The following POLR1A variants were observed in gnomAD, a reference collection of about 807,000 sequenced individuals.
POLR1A encodes DNA-directed RNA polymerase I subunit RPA1.
In POLR1A, 84 loss-of-function variants were observed where a neutral mutation model predicts 205.3. That is an observed-to-expected ratio of 0.41 (90% CI 0.34 to 0.49). The LOEUF is 0.49. Ranked by LOEUF, POLR1A falls within the 20% of genes least tolerant of loss-of-function variation. The pLI is 0.22. For synonymous variants in POLR1A, 799 were observed against 863.7 expected, an observed-to-expected ratio of 0.93 and a Z score of 1.31; for missense variants, 1,645 against 2,204.5, an observed-to-expected ratio of 0.75 and a Z score of 5.08.
intron 2 of POLR1A, 87 bp from the exon 3 acceptor site, chr2:86,098,847 T>A: frequency 7.9e-7 from 1 of 1,269,446 alleles, no homozygotes; most frequent in Non-Finnish European, 1.1e-6. Context: ...AGTTTCTTTA[T>A]GTAGTCAGTC....
intron 3 of POLR1A, among the ~76,000 whole-genome samples, chr2:86,095,894 A>AT (rs1417264481): frequency 6.6e-6 from 1 of 151,872 alleles, no homozygotes; most frequent in African/African-American, 2.4e-5. Context: ...CCCCCAGCTA[A>AT]TTTTTTTGTA....
intron 16 of POLR1A, 29 bp from the exon 17 acceptor site, chr2:86,049,271 G>A: frequency 6.5e-7 from 1 of 1,541,836 alleles, no homozygotes; most frequent in Non-Finnish European, 9.0e-7. Context: ...AAGCTTGTAG[G>A]CGACCTCAGG....
intron 24 of POLR1A, among the ~76,000 whole-genome samples, chr2:86,041,073 A>T (rs927917823): frequency 1.3e-5 from 2 of 151,980 alleles, no homozygotes; most frequent in East Asian, 3.9e-4. Context: ...ATGCCGCACG[A>T]TTCTGTAATT....
chr2:86,025,254 A>G lies in POLR1A; in HGVS notation c.*2169T>C, dbSNP rs1355163213. On this transcript the variant is annotated 3_prime_UTR_variant, in exon 34 of 34. Transcript: ENST00000263857. ...TTAGTCCATGTTCTTGAATCCATCC[A>G]TCAGATTTGACTTGGGCCTACTTTC... 1 of 152,210 alleles carries G rather than the reference A, an allele frequency of 6.6e-6. No homozygotes were observed. The highest frequency in any genetic ancestry group is 1.5e-5 in the Non-Finnish European group (1 of 68,040). 9.4% of individuals were successfully genotyped at this position (152,210 alleles called of 1,614,324 possible). A position where few individuals can be genotyped will look rare whatever the true frequency, so the allele number is the denominator to read the frequency against.
chr2:86,073,996 A>C (rs1363247540), intron 12 of POLR1A, among the ~76,000 whole-genome samples: 2 of 152,188 alleles, frequency 1.3e-5, no homozygotes, highest in Admixed American at 1.3e-4. Context: ...CGTGCACTAG[A>C]GAAGAACAAA....
chr2:86,076,943 T>C (rs1006512869), intron 11 of POLR1A, among the ~76,000 whole-genome samples: 1 of 152,214 alleles, frequency 6.6e-6, no homozygotes, highest in Admixed American at 6.5e-5. Flanking sequence ...GCAAGGACTA[T>C]GGTTCCCAAG....
intron 27 of POLR1A, among the ~76,000 whole-genome samples, chr2:86,035,511 G>T (rs1487818370): frequency 1.3e-5 from 2 of 152,194 alleles, no homozygotes; most frequent in South Asian, 2.1e-4. Context: ...GAGGCGGAGT[G>T]GGGGTGCGGG....
chr2:86,028,105 A>G lies in POLR1A; in HGVS notation c.4898-56T>C. 3.2e-6 allele frequency: 5 copies of G among 1,556,450 alleles called. No individual in the cohort carries two copies. Among genetic ancestry groups the G allele is most frequent in the Non-Finnish European group, 4.4e-6 (5 of 1,129,480 alleles). On this transcript the variant is annotated intron_variant, in intron 32 of 33. Transcript: ENST00000263857. The surrounding 1 kb of genome is among the most constrained non-coding windows in gnomAD (Gnocchi z 4.5). ...TTAAGCAGTGACCACGGGAGCAGTC[A>G]GCAGACACAAGCCAAGCTGCCTCCA...
In POLR1A at chr2:86,070,008, C is replaced by G; in HGVS notation, c.1866+10G>C. On this transcript the variant is annotated intron_variant, in intron 13 of 33. Transcript: ENST00000263857. This position sits in a 1 kb window ranked among gnomAD's most constrained non-coding sequence, Gnocchi z 4.4. ...CGATGACCACGGAACAGCCTCAAGG[C>G]CAGACCTACCTTGGGAACAAGGTAC... The G allele has an allele frequency of 6.2e-7, 1 of 1,610,266 alleles. No individual in the cohort carries two copies. The highest frequency in any genetic ancestry group is 8.5e-7 in the Non-Finnish European group (1 of 1,178,074).
intron 1 of POLR1A, among the ~76,000 whole-genome samples, chr2:86,100,899 G>A (rs1235827240): frequency 6.6e-6 from 1 of 152,102 alleles, no homozygotes. Context: ...GTACTTTTCA[G>A]AGGACGAAAC....
chr2:86,096,913 C>T (rs990302397), intron 3 of POLR1A, among the ~76,000 whole-genome samples: 1 of 152,064 alleles, frequency 6.6e-6, no homozygotes, highest in African/African-American at 2.4e-5. Flanking sequence ...AGTCAGTCAA[C>T]AGAGTGAAAA....
chr2:86,043,279 C>T, intron 22 of POLR1A, 84 bp from the exon 23 acceptor site: 2 of 1,173,848 alleles, frequency 1.7e-6, no homozygotes, highest in Non-Finnish European at 1.2e-6. Flanking sequence ...GGCCATGGAG[C>T]ACAAATTCAG....
chr2:86,074,284 G>A (rs1673238873), intron 12 of POLR1A, among the ~76,000 whole-genome samples: 1 of 152,196 alleles, frequency 6.6e-6, no homozygotes, highest in Non-Finnish European at 1.5e-5. Flanking sequence ...CAGAGGGCAA[G>A]GAGAGGCCCT....
chr2:86,059,886 T>C (rs1672965967), intron 14 of POLR1A, among the ~76,000 whole-genome samples: 1 of 152,108 alleles, frequency 6.6e-6, no homozygotes, highest in African/African-American at 2.4e-5. Context: ...TTATTTTCTA[T>C]GAGAGTATGT....
At chr2:86,089,753 G>T in intron 4 of POLR1A, 69 bp downstream of exon 4, 1 of 989,986 alleles carries the variant, frequency 1.0e-6, no homozygotes, top group Non-Finnish European at 1.6e-6. Context: ...TATATGCAAA[G>T]GACAACACAG....
chr2:86,075,160 G>A lies in POLR1A; in HGVS notation c.1481C>T (p.Ala494Val), dbSNP rs1426314138. 1 of 1,613,628 alleles carries A rather than the reference G, an allele frequency of 6.2e-7. No homozygotes were observed. Among genetic ancestry groups the A allele is most frequent in the Admixed American group, 1.7e-5 (1 of 59,982 alleles). ...GCCGTCCTCATTGATGACCATGGAG[G>A]CTCCTGGGTGCACATTAGGGCCGTT... ...VINGPNVHPG[A>V]SMVINEDGSR... Residue 494 changes from alanine (A) to valine (V), a missense_variant, in exon 12 of 34, where the codon GCC becomes GTC. Coordinates refer to ENST00000263857, the MANE Select transcript of POLR1A (RefSeq NM_015425.6).
At chr2:86,102,598 T>C (rs1034137371) in intron 1 of POLR1A, among the ~76,000 whole-genome samples, 1 of 152,252 alleles carries the variant, frequency 6.6e-6, no homozygotes, top group Non-Finnish European at 1.5e-5. Flanking sequence ...CTGTATCCTT[T>C]GATAACTACC....
intron 25 of POLR1A, among the ~76,000 whole-genome samples, 161 bp from the exon 26 acceptor site, chr2:86,039,623 G>C (rs1396792350): frequency 6.6e-6 from 1 of 152,148 alleles, no homozygotes; most frequent in Non-Finnish European, 1.5e-5. Context: ...CTCTGGCCTC[G>C]TGTGCAACAG....
chr2:86,075,385 G>A, intron 11 of POLR1A, 125 bp from the exon 12 acceptor site: 1 of 695,346 alleles, frequency 1.4e-6, no homozygotes, highest in Non-Finnish European at 2.5e-6. Context: ...ACTTGGCCAA[G>A]AAGGTCTTCC....
Sources: gnomAD v4.1 joint callset for allele counts (sites outside exome capture counted in the v4.1 genomes callset) on GRCh38, gnomAD v4.1.1 for gene constraint, Gnocchi (gnomAD v3.1) non-coding constraint, MANE v1.5 for transcripts, NCBI Gene and HGNC (gene_info 2026-07-23, HGNC 2026-07-21) for gene names.